Variants in FNBP1L observed in about 807,000 individuals in gnomAD.
FNBP1L encodes the protein formin binding protein 1 like.
A neutral mutation model predicts 91.2 loss-of-function variants in FNBP1L; 36 were observed. The ratio of observed to expected loss-of-function variants is 0.39; its 90% CI spans 0.30 to 0.52. FNBP1L has a LOEUF of 0.52. FNBP1L is among the 20% of genes least tolerant of loss of function. FNBP1L has a pLI of 0.66. For synonymous variants in FNBP1L, 242 were observed against 237.0 expected (o/e 1.02, Z -0.19); for missense variants, 571 against 732.1 (o/e 0.78, Z 2.54).
chr1:93,489,476 A>G (rs1288019362), intron 1 of FNBP1L, among the ~76,000 whole-genome samples: 1 of 152,148 alleles, frequency 6.6e-6, no homozygotes, highest in Non-Finnish European at 1.5e-5. Flanking sequence ...CTACTTCATA[A>G]GGCAGTTATT....
intron 1 of FNBP1L, among the ~76,000 whole-genome samples, chr1:93,460,784 A>G (rs1041916567): frequency 6.6e-6 from 1 of 152,154 alleles, no homozygotes; most frequent in African/African-American, 2.4e-5. Context: ...GTGTGGGGAG[A>G]AGTGGGGAGA....
intron 2 of FNBP1L, among the ~76,000 whole-genome samples, chr1:93,507,131 TC>T (rs1557798146): frequency 1.7e-4 from 25 of 148,314 alleles, no homozygotes; most frequent in African/African-American, 5.8e-4. Context: ...TCTCTCTCTC[TC>T]TCTCTCTCTC....
At position 93,485,227 on chromosome 1, in the gene FNBP1L, GTGGGAAGA is replaced by G. The variant is rs367752889; in HGVS notation, c.25-14229_25-14222del. 2.2e-3 allele frequency among the ~76,000 whole-genome samples: 336 copies of G among 151,854 alleles called. 1 individual carries two copies. Among genetic ancestry groups the G allele is most frequent in the Admixed American group, 5.7e-3 (87 of 15,262 alleles). The stretch of plus-strand genomic sequence containing the variant: ...AAGAACTGTGAAATAAGATAGCTGT[GTGGGAAGA>G]TGGGAAGATGGCTCATATACTACAC... On this transcript the variant is annotated intron_variant, in intron 1 of 16. Coordinates refer to ENST00000271234, the MANE Select transcript of FNBP1L (RefSeq NM_001164473.3).
rs898827086 is a variant in FNBP1L at position 93,502,974 on chromosome 1, T to TG, written c.140+3392dup. Among the ~76,000 whole-genome samples the TG allele has an allele frequency of 4.4e-4, 67 of 152,356 alleles. 1 individual carries two copies. The highest frequency in any genetic ancestry group is 1.6e-3 in the African/African-American group (67 of 41,598). ...CCAAAGGGAAGAGGTTTGCCTTGTT[T>TG]GTTTCCTCCTCTTTAATGGGAAAAA... is the stretch of plus-strand genomic sequence containing the variant. On this transcript the variant is annotated intron_variant, in intron 2 of 16. Transcript: ENST00000271234.
At chr1:93,486,945 G>A (rs1029877394) in intron 1 of FNBP1L, among the ~76,000 whole-genome samples, 11 of 152,014 alleles carry the variant, frequency 7.2e-5, no homozygotes, top group African/African-American at 2.7e-4. Flanking sequence ...CTTCTCTTTA[G>A]CTATTTTTCA....
chr1:93,494,054 C>T (rs202142595), intron 1 of FNBP1L, among the ~76,000 whole-genome samples: 252 of 152,172 alleles, frequency 1.7e-3, no homozygotes, highest in Non-Finnish European at 3.1e-3. Context: ...TCCATAATAC[C>T]GCCTGGACTT....
chr1:93,474,281 C>T lies in FNBP1L; in HGVS notation c.25-25187C>T, dbSNP rs534595034. 5.7e-5 allele frequency among the ~76,000 whole-genome samples: 6 copies of T among 105,628 alleles called. 1 individual carries two copies. The South Asian group carries it at 2.1e-3, about 37-fold the overall frequency. 69.3% of individuals were successfully genotyped at this position (105,628 alleles called of 152,430 possible). On this transcript the variant is annotated intron_variant, in intron 1 of 16. Coordinates refer to ENST00000271234, the MANE Select transcript of FNBP1L (RefSeq NM_001164473.3). ...ACAAAAACTTTGACTTCACTTCCAT[C>T]CTACTTCAGGATGCCTCCAATCGAC...
At chr1:93,549,802 C>T (rs1672350486) in intron 15 of FNBP1L, among the ~76,000 whole-genome samples, 1 of 152,162 alleles carries the variant, frequency 6.6e-6, no homozygotes, top group South Asian at 2.1e-4. Flanking sequence ...TCATGCTCTT[C>T]CTTGTAGCTT....
At chr1:93,457,090 A>AT (rs1370028177) in intron 1 of FNBP1L, among the ~76,000 whole-genome samples, 3 of 151,938 alleles carry the variant, frequency 2.0e-5, no homozygotes, top group African/African-American at 7.3e-5. Context: ...GTTTAGCCAT[A>AT]TTGCCCAGGC....
chr1:93,535,513 A>G (rs1345373192), intron 9 of FNBP1L, among the ~76,000 whole-genome samples: 1 of 152,100 alleles, frequency 6.6e-6, no homozygotes, highest in East Asian at 1.9e-4. Context: ...TTTCTTATCA[A>G]TTAAGTGGTT....
At chr1:93,453,163 A>G (rs149143069) in intron 1 of FNBP1L, among the ~76,000 whole-genome samples, 3 of 152,236 alleles carry the variant, frequency 2.0e-5, no homozygotes, top group African/African-American at 7.2e-5. Context: ...GGAAATTGTC[A>G]TGGTATAAAT....
At chr1:93,498,266 GT>G (rs1390145206) in intron 1 of FNBP1L, among the ~76,000 whole-genome samples, 1 of 151,474 alleles carries the variant, frequency 6.6e-6, no homozygotes, top group Non-Finnish European at 1.5e-5. Context: ...AAGTGTTGTT[GT>G]TTTTTTTGTT....
chr1:93,500,732 A>G (rs1670417397), intron 2 of FNBP1L, among the ~76,000 whole-genome samples: 1 of 152,178 alleles, frequency 6.6e-6, no homozygotes, highest in African/African-American at 2.4e-5. Flanking sequence ...TCATATATCC[A>G]CATAATAGTG....
chr1:93,485,064 T>G (rs1669852063), intron 1 of FNBP1L, among the ~76,000 whole-genome samples: 1 of 151,806 alleles, frequency 6.6e-6, no homozygotes, highest in African/African-American at 2.4e-5. Context: ...GGCAGGAGGA[T>G]TGCTTGAGCC....
At chr1:93,543,463 T>C (rs992923753) in intron 11 of FNBP1L, among the ~76,000 whole-genome samples, 3 of 152,202 alleles carry the variant, frequency 2.0e-5, no homozygotes, top group Non-Finnish European at 4.4e-5. Flanking sequence ...ATTGAAAATA[T>C]ACACTTGTTT....
At chr1:93,450,912 GA>G (rs1668473169) in intron 1 of FNBP1L, among the ~76,000 whole-genome samples, 1 of 152,198 alleles carries the variant, frequency 6.6e-6, no homozygotes, top group Admixed American at 6.5e-5. Context: ...CTCTAATACT[GA>G]CTTTGGGGGA....
chr1:93,474,202 C>A (rs1669410809), intron 1 of FNBP1L, among the ~76,000 whole-genome samples: 2 of 152,170 alleles, frequency 1.3e-5, no homozygotes, highest in South Asian at 4.1e-4. Flanking sequence ...GAGATCACGC[C>A]ACTGCACTCC....
intron 7 of FNBP1L, among the ~76,000 whole-genome samples, chr1:93,531,519 A>T (rs957661623): frequency 6.6e-6 from 1 of 152,224 alleles, no homozygotes; most frequent in Non-Finnish European, 1.5e-5. Flanking sequence ...ATGAGTTATT[A>T]TCTCAACGAG....
chr1:93,530,627 A>G, intron 6 of FNBP1L, 128 bp from the exon 7 acceptor site: 3 of 924,108 alleles, frequency 3.2e-6, no homozygotes, highest in Non-Finnish European at 4.9e-6. Flanking sequence ...AAGTTATGCC[A>G]CGTCATTATT....
Sources: gnomAD v4.1 joint callset for allele counts (sites outside exome capture counted in the v4.1 genomes callset) on GRCh38, gnomAD v4.1.1 for gene constraint, MANE v1.5 for transcripts, NCBI Gene and HGNC (gene_info 2026-07-23, HGNC 2026-07-21) for gene names.